Variants in SLC5A4 observed in about 807,000 individuals in gnomAD.
SLC5A4 encodes the protein probable glucose sensor protein SLC5A4.
In SLC5A4, 55 loss-of-function variants were observed where a neutral mutation model predicts 70.3. The ratio of observed to expected loss-of-function variants is 0.78; its 90% CI spans 0.63 to 0.98. The LOEUF is 0.98. Ranked by LOEUF, SLC5A4 falls within the 50% of genes least tolerant of loss-of-function variation. SLC5A4 has a pLI of 0.00. For missense variants in SLC5A4, 735 were observed against 839.2 expected, an observed-to-expected ratio of 0.88 and a Z score of 1.53; for synonymous variants, 268 against 305.7, an observed-to-expected ratio of 0.88 and a Z score of 1.29.
Position 32,224,416 on chromosome 22 carries a change from A to C in SLC5A4, c.1516T>G (p.Tyr506Asp). 6.2e-7 allele frequency: 1 copy of C among 1,614,150 alleles called. No individual in the cohort carries two copies. Reference sequence around the variant, plus strand: ...GGAGCCAAGCAACTCCCTGTTCCATAAGCAAACTCTGTTATCATACGAATG... The same window carrying C: ...GGAGCCAAGCAACTCCCTGTTCCATCAGCAAACTCTGTTATCATACGAATG... ...GLIRMITEFA[Y>D]GTGSCLAPSN... is the part of the protein sequence containing the mutation. The change falls in exon 13 of 15, where the codon TAT becomes GAT. Residue 506 changes from tyrosine (Y) to aspartate (D), a missense_variant. Physicochemically the swap from Tyr to Asp is radical, Grantham distance 160. Coordinates refer to ENST00000266086, the MANE Select transcript of SLC5A4 (RefSeq NM_014227.3).
intron 12 of SLC5A4, among the ~76,000 whole-genome samples, chr22:32,224,876 A>G (rs1252111510): frequency 1.3e-5 from 2 of 152,234 alleles, no homozygotes; most frequent in Non-Finnish European, 2.9e-5. Context: ...TGAGAGTTCT[A>G]TGAAGCTCTT....
upstream of SLC5A4, among the ~76,000 whole-genome samples, chr22:32,255,553 G>A (rs1927437662): frequency 6.6e-6 from 1 of 152,096 alleles, no homozygotes; most frequent in Non-Finnish European, 1.5e-5. Context: ...AATGAGGGGA[G>A]AATTTGAGGT....
upstream of SLC5A4, among the ~76,000 whole-genome samples, chr22:32,256,740 A>C (rs1172858876): frequency 2.0e-5 from 3 of 152,212 alleles, no homozygotes; most frequent in Non-Finnish European, 2.9e-5. Context: ...TGTAGCATGT[A>C]TCAGAATTTC....
the SLC5A4 span, among the ~76,000 whole-genome samples, chr22:32,300,070 G>C: frequency 1.3e-5 from 2 of 149,818 alleles, no homozygotes; most frequent in Non-Finnish European, 3.0e-5. Flanking sequence ...CTGTCAGACA[G>C]GGACATTTAA....
At chr22:32,257,170 G>T (rs182901332), upstream of SLC5A4, among the ~76,000 whole-genome samples, 172 of 152,296 alleles carry the variant, frequency 1.1e-3, 1 homozygote, top group African/African-American at 4.0e-3. Flanking sequence ...TAGTAGTGTT[G>T]ATTTTTTCAT....
chr22:32,306,321 C>G, the SLC5A4 span, among the ~76,000 whole-genome samples: 4 of 118,848 alleles, frequency 3.4e-5, no homozygotes, highest in African/African-American at 1.3e-4. Flanking sequence ...AAAAATTAGC[C>G]AGGTGTGGTG....
the SLC5A4 span, among the ~76,000 whole-genome samples, chr22:32,289,582 C>T: frequency 1.3e-5 from 2 of 152,232 alleles, no homozygotes; most frequent in Admixed American, 6.5e-5. Flanking sequence ...AGCGATTCTG[C>T]CTCAGCTTCC....
At chr22:32,350,396 T>C in the SLC5A4 span, among the ~76,000 whole-genome samples, 1 of 152,198 alleles carries the variant, frequency 6.6e-6, no homozygotes, top group Non-Finnish European at 1.5e-5. Context: ...CTTGGTATGG[T>C]AGCTCATGGC....
chr22:32,234,753 G>A (rs1925960230), intron 8 of SLC5A4, 120 bp downstream of exon 8: 4 of 783,778 alleles, frequency 5.1e-6, no homozygotes, highest in Non-Finnish European at 8.5e-6. Flanking sequence ...TTTAAACGAT[G>A]TGTGTGCAAA....
chr22:32,227,691 A>T (rs2076866910), intron 11 of SLC5A4, among the ~76,000 whole-genome samples: 3 of 152,130 alleles, frequency 2.0e-5, no homozygotes. Flanking sequence ...TAATCCCAAG[A>T]CTTTGGGAGG....
intron 5 of SLC5A4, 96 bp from the exon 6 acceptor site, chr22:32,239,186 G>C (rs1223043964): frequency 6.7e-5 from 57 of 855,342 alleles, no homozygotes; most frequent in Non-Finnish European, 3.8e-6. Flanking sequence ...TTCTTTTTCT[G>C]ATAGACTCCT....
chr22:32,306,397 C>T, the SLC5A4 span, among the ~76,000 whole-genome samples: 2 of 148,530 alleles, frequency 1.3e-5, no homozygotes, highest in South Asian at 2.3e-4. Context: ...ACCTGGGAGG[C>T]GGAGCTTGCA....
the SLC5A4 span, among the ~76,000 whole-genome samples, chr22:32,334,571 A>C: frequency 6.6e-6 from 1 of 151,288 alleles, no homozygotes; most frequent in East Asian, 1.9e-4. Flanking sequence ...TCTCACCAAA[A>C]CCCCCACCTG....
At chr22:32,349,748 G>A in the SLC5A4 span, among the ~76,000 whole-genome samples, 1 of 152,118 alleles carries the variant, frequency 6.6e-6, no homozygotes, top group Non-Finnish European at 1.5e-5. Context: ...CACACATACA[G>A]CACTTCTAGA....
chr22:32,301,938 A>C, the SLC5A4 span, among the ~76,000 whole-genome samples: 1 of 152,194 alleles, frequency 6.6e-6, no homozygotes, highest in Non-Finnish European at 1.5e-5. Context: ...ATCCACATGA[A>C]AAAGAATGAA....
At chr22:32,336,047 T>C in the SLC5A4 span, among the ~76,000 whole-genome samples, 1 of 152,164 alleles carries the variant, frequency 6.6e-6, no homozygotes, top group Non-Finnish European at 1.5e-5. Flanking sequence ...TAAAGTAGAA[T>C]CCATAGTCCT....
rs763611892 is a variant in SLC5A4 at position 32,235,538 on chromosome 22, G to T, written c.665-445C>A. Among the ~76,000 whole-genome samples the T allele has an allele frequency of 8.7e-4, 133 of 152,138 alleles. 1 individual carries two copies. Among genetic ancestry groups the T allele is most frequent in the Non-Finnish European group, 3.4e-4 (23 of 68,042 alleles). On this transcript the variant is annotated intron_variant, in intron 7 of 14. Transcript: ENST00000266086. ...GCCTCTCTTCTTGACCCAGAGCTTG[G>T]CTCTTTTGATCTTACTTGCAATCTG...
upstream of SLC5A4, among the ~76,000 whole-genome samples, chr22:32,258,211 A>G (rs1011194279): frequency 2.0e-5 from 3 of 152,006 alleles, no homozygotes; most frequent in African/African-American, 7.2e-5. Flanking sequence ...CTGGTCCTGA[A>G]CTCCTGATCT....
the SLC5A4 span, among the ~76,000 whole-genome samples, chr22:32,300,367 C>A: frequency 2.0e-5 from 3 of 151,940 alleles, no homozygotes; most frequent in African/African-American, 4.8e-5. Flanking sequence ...CGTGGTGCAC[C>A]GTTTTTTAAA....
Sources: allele counts gnomAD v4.1 joint callset (sites outside exome capture counted in the v4.1 genomes callset), GRCh38; gene constraint gnomAD v4.1.1; transcripts MANE v1.5; gene names NCBI Gene and HGNC (gene_info 2026-07-23, HGNC 2026-07-21).